Variants in TYR observed in about 807,000 individuals in gnomAD.
The protein encoded by TYR is tyrosinase, also known as LB24-AB.
Under a neutral mutation model 51.5 loss-of-function variants are expected in TYR, and 58 were observed. The ratio of observed to expected loss-of-function variants is 1.13; its 90% CI spans 0.91 to 1.40. The LOEUF is 1.40. TYR is among the 40% of genes most tolerant of loss of function. The pLI, the probability that TYR is intolerant of heterozygous loss-of-function variation, is 0.00. For synonymous variants in TYR, 263 were observed against 235.2 expected, an observed-to-expected ratio of 1.12 and a Z score of -1.08; for missense variants, 732 against 647.4, an observed-to-expected ratio of 1.13 and a Z score of -1.42.
intron 3 of TYR, among the ~76,000 whole-genome samples, chr11:89,235,371 T>A (rs1282004623): frequency 2.6e-5 from 4 of 152,196 alleles, no homozygotes; most frequent in African/African-American, 9.6e-5. Flanking sequence ...TTATTTGTAC[T>A]TCCATGTTTG....
chr11:89,226,970 G>A (rs961251904), intron 2 of TYR, among the ~76,000 whole-genome samples: 2 of 151,932 alleles, frequency 1.3e-5, no homozygotes, highest in African/African-American at 2.4e-5. Context: ...TCTTCTTAAT[G>A]GGCACATGGG....
In TYR at chr11:89,204,398, T is replaced by C. The variant is rs544092473; in HGVS notation, c.1036+12980T>C. ...TCAGAGAAAGCCAGGAGATTATACA[T>C]TTTTTTTTTTTTGAGATGGAGTCTT... On this transcript the variant is annotated intron_variant, in intron 2 of 4. Transcript: ENST00000263321. Among the ~76,000 whole-genome samples the C allele has an allele frequency of 6.0e-3, 564 of 93,690 alleles. 4 individuals carry two copies. Among genetic ancestry groups the C allele is most frequent in the African/African-American group, 0.039 (544 of 13,780 alleles). The allele number at this position is 93,690 out of a possible 152,430, so 61.5% of individuals were successfully genotyped here. A position where few individuals can be genotyped will look rare whatever the true frequency, so the allele number is the denominator to read the frequency against.
chr11:89,267,800 C>T (rs1446905621), intron 3 of TYR, among the ~76,000 whole-genome samples: 2 of 151,606 alleles, frequency 1.3e-5, no homozygotes, highest in East Asian at 2.0e-4. Context: ...GTCATATAGG[C>T]TTACTGAGTG....
At chr11:89,204,586 C>A (rs753472340) in intron 2 of TYR, among the ~76,000 whole-genome samples, 2 of 151,808 alleles carry the variant, frequency 1.3e-5, no homozygotes, top group South Asian at 4.2e-4. Context: ...TTAGTAGAGA[C>A]AGGATTTCAC....
chr11:89,286,526 A>C (rs772118695), intron 4 of TYR, among the ~76,000 whole-genome samples: 1 of 151,848 alleles, frequency 6.6e-6, no homozygotes, highest in African/African-American at 2.4e-5. Context: ...AGTCATAAAG[A>C]GTATAAATTG....
intron 3 of TYR, among the ~76,000 whole-genome samples, chr11:89,243,601 A>T (rs1252099559): frequency 1.3e-5 from 2 of 152,200 alleles, no homozygotes; most frequent in East Asian, 3.8e-4. Context: ...CATTTTATCT[A>T]TCACATCTTT....
In TYR at chr11:89,234,880, A is replaced by G. The variant is rs539972662; in HGVS notation, c.1184+6910A>G. On this transcript the variant is annotated intron_variant, in intron 3 of 4. Coordinates refer to ENST00000263321, the MANE Select transcript of TYR (RefSeq NM_000372.5). Reference sequence around the variant, plus strand: ...CAAGAATTACCAAAATGTGACAGACATAAAGTGAACACATGTTGGAAAAAT... The same window carrying G: ...CAAGAATTACCAAAATGTGACAGACGTAAAGTGAACACATGTTGGAAAAAT... 2.0e-5 allele frequency among the ~76,000 whole-genome samples: 3 copies of G among 151,860 alleles called. No individual in the cohort carries two copies. The South Asian group carries it at 6.2e-4, about 31-fold the overall frequency.
intron 3 of TYR, among the ~76,000 whole-genome samples, chr11:89,278,457 A>G (rs1404329757): frequency 6.6e-6 from 1 of 151,706 alleles, no homozygotes; most frequent in Non-Finnish European, 1.5e-5. Context: ...ATGAATGAAT[A>G]AATAAATAAA....
At chr11:89,188,427 A>C (rs912770728) in intron 1 of TYR, among the ~76,000 whole-genome samples, 1 of 152,108 alleles carries the variant, frequency 6.6e-6, no homozygotes, top group African/African-American at 2.4e-5. Flanking sequence ...AGTTTGTTAG[A>C]AGGTGCTAAG....
rs187277054 is a variant in TYR at position 89,195,911 on chromosome 11, A to G, written c.1036+4493A>G. Among the ~76,000 whole-genome samples, 220 of 152,128 alleles carry G rather than the reference A, an allele frequency of 1.4e-3. 2 individuals are homozygous for G. Among genetic ancestry groups the G allele is most frequent in the African/African-American group, 5.2e-3 (214 of 41,508 alleles). ...ACTTTTTCTTTTATTTATTTTTTTAATAGCACTGTTGGAGAATGGGACATG... is the reference window on the plus strand; with the variant it reads ...ACTTTTTCTTTTATTTATTTTTTTAGTAGCACTGTTGGAGAATGGGACATG... On this transcript the variant is annotated intron_variant, in intron 2 of 4. Coordinates refer to ENST00000263321, the MANE Select transcript of TYR (RefSeq NM_000372.5).
chr11:89,235,506 C>A (rs1045170787), intron 3 of TYR, among the ~76,000 whole-genome samples: 1 of 152,132 alleles, frequency 6.6e-6, no homozygotes, highest in African/African-American at 2.4e-5. Flanking sequence ...AAAAGAAATT[C>A]TGTCATCTAT....
intron 3 of TYR, among the ~76,000 whole-genome samples, chr11:89,253,484 A>G (rs1386395706): frequency 6.6e-6 from 1 of 151,682 alleles, no homozygotes; most frequent in Admixed American, 6.6e-5. Flanking sequence ...TGTGTTGTCT[A>G]TGATTTCTTT....
intron 3 of TYR, among the ~76,000 whole-genome samples, chr11:89,276,191 T>C (rs2135318328): frequency 6.6e-6 from 1 of 151,972 alleles, no homozygotes; most frequent in South Asian, 2.1e-4. Flanking sequence ...TGCCTCTATT[T>C]GGATTTGTTC....
At chr11:89,185,590 G>A (rs887748148) in intron 1 of TYR, among the ~76,000 whole-genome samples, 8 of 152,214 alleles carry the variant, frequency 5.3e-5, no homozygotes, top group South Asian at 2.1e-4. Context: ...TATTAGAGAC[G>A]AAAATGAGTA....
rs534905482 is a variant in TYR, at chr11:89,281,703, T to C, written c.1185-3070T>C. 1.1e-4 allele frequency among the ~76,000 whole-genome samples: 17 copies of C among 151,894 alleles called. No individual in the cohort carries two copies. In the South Asian group the frequency reaches 3.5e-3, roughly 32 times the overall value. On this transcript the variant is annotated intron_variant, in intron 3 of 4. Transcript: ENST00000263321. ...AGAAAATTTGTTGATTATTAATTTGTCTATTTTGTTCTTATTTTAAGGATA... is the reference window on the plus strand; with the variant it reads ...AGAAAATTTGTTGATTATTAATTTGCCTATTTTGTTCTTATTTTAAGGATA...
chr11:89,259,068 T>G (rs2135305669), intron 3 of TYR, among the ~76,000 whole-genome samples: 1 of 152,204 alleles, frequency 6.6e-6, no homozygotes, highest in East Asian at 1.9e-4. Flanking sequence ...ACAGAAATTC[T>G]GAATTAACAG....
chr11:89,234,317 G>T lies in TYR; in HGVS notation c.1184+6347G>T, dbSNP rs933691271. 4.2e-5 allele frequency among the ~76,000 whole-genome samples: 6 copies of T among 143,800 alleles called. 1 individual carries two copies. Among genetic ancestry groups the T allele is most frequent in the Admixed American group, 2.1e-4 (3 of 14,534 alleles). The allele number at this position is 143,800 out of a possible 152,430, so 94.3% of individuals were successfully genotyped here. On this transcript the variant is annotated intron_variant, in intron 3 of 4. Transcript: ENST00000263321. The stretch of plus-strand genomic sequence containing the variant: ...TTAGGCTTTAGTTTAAGGAAATGTT[G>T]TTGCTGGTTTGATTTTCTATCCAGA...
At chr11:89,279,058 G>A (rs756470909) in intron 3 of TYR, among the ~76,000 whole-genome samples, 1 of 151,650 alleles carries the variant, frequency 6.6e-6, no homozygotes, top group Non-Finnish European at 1.5e-5. Flanking sequence ...TCATATCAAA[G>A]GTGTAGAGGG....
Position 89,191,323 on chromosome 11 carries a change from C to T in TYR, c.941C>T (p.Ser314Phe). Residue 314 changes from serine to phenylalanine, a missense_variant, in exon 2 of 5, where the codon TCT becomes TTT. Transcript: ENST00000263321. Reference protein sequence around the residue: ...HDKSRTPRLPSSADVEFCLSL... With the variant: ...HDKSRTPRLPFSADVEFCLSL... Reference sequence around the variant, plus strand: ...AAATCCAGAACCCCAAGGCTCCCCTCTTCAGCTGATGTAGAATTTTGCCTG... The same window carrying T: ...AAATCCAGAACCCCAAGGCTCCCCTTTTCAGCTGATGTAGAATTTTGCCTG... 6.2e-7 allele frequency: 1 copy of T among 1,613,782 alleles called. No individual in the cohort carries two copies. The highest frequency in any genetic ancestry group is 8.5e-7 in the Non-Finnish European group (1 of 1,179,790).
Sources: gnomAD v4.1 joint callset for allele counts (sites outside exome capture counted in the v4.1 genomes callset) on GRCh38, gnomAD v4.1.1 for gene constraint, MANE v1.5 for transcripts, NCBI Gene and HGNC (gene_info 2026-07-23, HGNC 2026-07-21) for gene names.